EPHA6: variants seen among roughly 807,000 people sequenced by gnomAD.
EPHA6 encodes EPH receptor A6.
Under a neutral mutation model 112.0 loss-of-function variants are expected in EPHA6, and 50 were observed. The observed-to-expected ratio is 0.45, with a 90% CI of 0.36 to 0.56. The LOEUF (loss-of-function observed/expected upper bound fraction) is 0.56, where lower values mean the gene tolerates loss of function less well. Ranked by LOEUF, EPHA6 falls within the 20% of genes least tolerant of loss-of-function variation. EPHA6 has a pLI of 0.00. For synonymous variants in EPHA6, 529 were observed against 490.7 expected (o/e 1.08, Z -1.03); for missense variants, 1,280 against 1,417.4 (o/e 0.90, Z 1.56).
intron 2 of EPHA6, among the ~76,000 whole-genome samples, chr3:96,924,459 G>C (rs1042334360): frequency 1.3e-5 from 2 of 152,118 alleles, no homozygotes; most frequent in African/African-American, 4.8e-5. Context: ...TGTTGTTGGT[G>C]TATAGGAATG....
intron 16 of EPHA6, among the ~76,000 whole-genome samples, chr3:97,737,690 A>G (rs976557498): frequency 6.6e-6 from 1 of 152,076 alleles, no homozygotes; most frequent in Non-Finnish European, 1.5e-5. Context: ...AGTTATATTT[A>G]TAGGTTGAAC....
At chr3:97,289,781 C>T (rs1051190328) in intron 5 of EPHA6, among the ~76,000 whole-genome samples, 2 of 151,996 alleles carry the variant, frequency 1.3e-5, no homozygotes, top group African/African-American at 2.4e-5. Flanking sequence ...CTTTCACCTC[C>T]TTGGTTACCT....
intron 10 of EPHA6, among the ~76,000 whole-genome samples, chr3:97,508,728 A>C (rs1306815582): frequency 6.6e-6 from 1 of 151,918 alleles, no homozygotes; most frequent in East Asian, 1.9e-4. Context: ...TTTTCTGTCT[A>C]ATTGATTTGT....
chr3:96,849,567 G>C (rs977961535), intron 1 of EPHA6, among the ~76,000 whole-genome samples: 1 of 152,058 alleles, frequency 6.6e-6, no homozygotes, highest in Admixed American at 6.6e-5. Flanking sequence ...TCAAATCTTA[G>C]AAATTACTTT....
chr3:97,002,677 A>G (rs1484848604), intron 3 of EPHA6, among the ~76,000 whole-genome samples: 2 of 151,998 alleles, frequency 1.3e-5, no homozygotes, highest in Non-Finnish European at 2.9e-5. Context: ...TATAATATAT[A>G]TACTATGTTC....
Position 97,360,684 on chromosome 3 carries a change from A to G in EPHA6, c.1607-44466A>G, listed in dbSNP as rs140965673. On this transcript the variant is annotated intron_variant, in intron 5 of 17. Transcript: ENST00000389672. ...TTTTCTTCTGCATTATTTAACTTAA[A>G]CCACGTTTGGTTAATACAATTCGAG... 2.0e-3 allele frequency among the ~76,000 whole-genome samples: 306 copies of G among 152,280 alleles called. 1 individual carries two copies. The highest frequency in any genetic ancestry group is 6.8e-3 in the African/African-American group (281 of 41,556).
chr3:96,843,792 T>A (rs950385936), intron 1 of EPHA6, among the ~76,000 whole-genome samples: 2 of 152,044 alleles, frequency 1.3e-5, no homozygotes, highest in Non-Finnish European at 2.9e-5. Flanking sequence ...TATGACGCCT[T>A]AAAGAAAAGT....
At chr3:97,443,866 G>GA (rs1167873336) in intron 6 of EPHA6, among the ~76,000 whole-genome samples, 2 of 152,048 alleles carry the variant, frequency 1.3e-5, no homozygotes, top group African/African-American at 4.8e-5. Flanking sequence ...ATAAAGTGTG[G>GA]AAAAAACTAC....
At chr3:97,384,037 A>C (rs2085908472) in intron 5 of EPHA6, among the ~76,000 whole-genome samples, 1 of 152,194 alleles carries the variant, frequency 6.6e-6, no homozygotes, top group Non-Finnish European at 1.5e-5. Context: ...AGTATGTAGA[A>C]TATGTAAGTT....
Position 97,753,457 on chromosome 3 carries a change from C to A in EPHA6, c.*4756C>A, listed in dbSNP as rs1363901960. On this transcript the variant is annotated 3_prime_UTR_variant, in exon 18 of 18. Transcript: ENST00000389672. ...TATTCTTCCGAAACACTCCATAACC[C>A]CTCTGGCGGAGGGGAAGCATACTTC... is the stretch of plus-strand genomic sequence containing the variant. 2.6e-5 allele frequency among the ~76,000 whole-genome samples: 4 copies of A among 152,080 alleles called. No homozygotes were observed. The East Asian group carries it at 7.7e-4, about 29-fold the overall frequency.
At chr3:96,898,532 C>T (rs2038409226) in intron 2 of EPHA6, among the ~76,000 whole-genome samples, 1 of 152,072 alleles carries the variant, frequency 6.6e-6, no homozygotes. Context: ...CTTACCCATT[C>T]ATAAATTACT....
intron 13 of EPHA6, among the ~76,000 whole-genome samples, chr3:97,624,926 A>G (rs1288700458): frequency 6.6e-6 from 1 of 151,212 alleles, no homozygotes; most frequent in African/African-American, 2.4e-5. Context: ...TAGTAATTTC[A>G]GTCTTCTCTT....
At chr3:97,346,318 T>C (rs1184045886) in intron 5 of EPHA6, among the ~76,000 whole-genome samples, 2 of 152,130 alleles carry the variant, frequency 1.3e-5, no homozygotes, top group Non-Finnish European at 2.9e-5. Flanking sequence ...AAAAGTGTAT[T>C]CTGAAACACT....
At chr3:96,974,809 A>G (rs2042457496) in intron 2 of EPHA6, among the ~76,000 whole-genome samples, 1 of 152,194 alleles carries the variant, frequency 6.6e-6, no homozygotes, top group Non-Finnish European at 1.5e-5. Flanking sequence ...GCCAGGAGGA[A>G]TGTCTTAAGA....
At chr3:97,091,224 G>C (rs1465416223) in intron 3 of EPHA6, among the ~76,000 whole-genome samples, 1 of 152,040 alleles carries the variant, frequency 6.6e-6, no homozygotes, top group Non-Finnish European at 1.5e-5. Context: ...TTCTCTATAT[G>C]ATATGGAAAA....
intron 3 of EPHA6, among the ~76,000 whole-genome samples, chr3:97,109,321 A>G (rs572933295): frequency 2.0e-5 from 3 of 152,236 alleles, no homozygotes; most frequent in Non-Finnish European, 1.5e-5. Context: ...TAGGGTGAAG[A>G]CTGTTTAGGC....
chr3:96,905,732 A>G (rs1477844175), intron 2 of EPHA6, among the ~76,000 whole-genome samples: 1 of 151,978 alleles, frequency 6.6e-6, no homozygotes, highest in East Asian at 1.9e-4. Context: ...TATTTTAGGA[A>G]TCACCAAGAG....
intron 3 of EPHA6, among the ~76,000 whole-genome samples, chr3:97,081,766 T>C (rs2046727442): frequency 6.6e-6 from 1 of 151,580 alleles, no homozygotes; most frequent in African/African-American, 2.4e-5. Flanking sequence ...CATTATGATA[T>C]ACCATAACAA....
chr3:97,214,232 A>T (rs1366420062), intron 3 of EPHA6, among the ~76,000 whole-genome samples: 3 of 151,836 alleles, frequency 2.0e-5, no homozygotes, highest in African/African-American at 7.3e-5. Flanking sequence ...AGAGACAGGG[A>T]TTCACCATGT....
Sources: gnomAD v4.1 joint callset for allele counts (sites outside exome capture counted in the v4.1 genomes callset) on GRCh38, gnomAD v4.1.1 for gene constraint, MANE v1.5 for transcripts, NCBI Gene and HGNC (gene_info 2026-07-23, HGNC 2026-07-21) for gene names.